Variants in ANKRD54 observed in about 807,000 individuals in gnomAD.
ANKRD54 encodes ankyrin repeat domain 54, also known as ankyrin repeat domain-containing protein 54.
Under a neutral mutation model 36.2 loss-of-function variants are expected in ANKRD54, and 26 were observed. The observed-to-expected ratio is 0.72, with a 90% CI of 0.53 to 1.00. The LOEUF is 1.00. ANKRD54 is among the 50% of genes least tolerant of loss of function. The pLI, the probability that ANKRD54 is intolerant of heterozygous loss-of-function variation, is 0.00. For missense variants in ANKRD54, 384 were observed against 424.3 expected (o/e 0.91, Z 0.83); for synonymous variants, 209 against 188.4 (o/e 1.11, Z -0.89).
intron 3 of ANKRD54, among the ~76,000 whole-genome samples, chr22:37,834,939 G>C (rs758441236): frequency 1.3e-5 from 2 of 151,920 alleles, no homozygotes; most frequent in African/African-American, 4.8e-5. Context: ...TACCCCTGTA[G>C]TCTCAGCTAC....
At chr22:37,832,769 T>C in intron 6 of ANKRD54, 25 bp from the exon 7 acceptor site, 1 of 1,612,868 alleles carries the variant, frequency 6.2e-7, no homozygotes. Context: ...TGAGCTGAGC[T>C]GCCTGGGTTC....
At chr22:37,845,589 C>G (rs925889347), upstream of ANKRD54, among the ~76,000 whole-genome samples, 3 of 152,092 alleles carry the variant, frequency 2.0e-5, no homozygotes, top group African/African-American at 7.2e-5. Context: ...AAAATGTAAT[C>G]TTTCCGCACG....
At chr22:37,845,711 A>G (rs1307703913), upstream of ANKRD54, among the ~76,000 whole-genome samples, 1 of 152,086 alleles carries the variant, frequency 6.6e-6, no homozygotes, top group Non-Finnish European at 1.5e-5. Flanking sequence ...TCTACTAAAA[A>G]TACAAAAATT....
At chr22:37,849,143 C>G, upstream of ANKRD54, 1 of 457,166 alleles carries the variant, frequency 2.2e-6, no homozygotes, top group Non-Finnish European at 3.9e-6. Context: ...TGCGCCACCA[C>G]TCCCGGCTAA....
intron 3 of ANKRD54, chr22:37,834,162 A>G (rs1007960580): frequency 5.3e-6 from 1 of 187,774 alleles, no homozygotes; most frequent in Non-Finnish European, 1.1e-5. Flanking sequence ...TCTTGGGATC[A>G]CCTCAGGGGT....
rs1210995345 is a variant in ANKRD54 at position 37,832,720 on chromosome 22, G to A, written c.745C>T (p.Leu249=). 1.2e-6 allele frequency: 2 copies of A among 1,614,060 alleles called. No homozygotes were observed. The highest frequency in any genetic ancestry group is 4.5e-5 in the East Asian group (2 of 44,904). Residue 249 remains leucine (L), a synonymous_variant, in exon 7 of 8, where the codon CTG becomes TTG. Coordinates refer to ENST00000215941, the MANE Select transcript of ANKRD54 (RefSeq NM_138797.4). ...TGCTCATGTTGCCCTAGGCGCTCCA[G>A]ATACTCCCTCAGCATATGGATGATC... The part of the protein sequence containing the change: ...KQIIHMLREY[L]ERLGQHEQRE...
At chr22:37,836,306 C>T (rs1477307694) in intron 3 of ANKRD54, among the ~76,000 whole-genome samples, 3 of 150,196 alleles carry the variant, frequency 2.0e-5, no homozygotes, top group Admixed American at 6.6e-5. Context: ...ATTAGCCGGG[C>T]GTAGTGGCGC....
chr22:37,842,739 C>T (rs1014971193), intron 1 of ANKRD54, among the ~76,000 whole-genome samples: 6 of 152,226 alleles, frequency 3.9e-5, no homozygotes, highest in Non-Finnish European at 5.9e-5. Flanking sequence ...ATTCTTATTT[C>T]ATCTTCGTGA....
upstream of ANKRD54, chr22:37,844,581 C>G: frequency 3.5e-6 from 1 of 288,086 alleles, no homozygotes; most frequent in South Asian, 1.2e-4. Flanking sequence ...GCCAGTAAAA[C>G]AGCATTTCAG....
rs375713401 is a variant in ANKRD54, at chr22:37,832,942, C to A, written c.720+16G>T. ...CTGCCTTGGTGCCGTGGTCTCCACACAGAAGGGGTACTCACCTGCTTCACC... is the reference window on the plus strand; with the variant it reads ...CTGCCTTGGTGCCGTGGTCTCCACAAAGAAGGGGTACTCACCTGCTTCACC... On this transcript the variant is annotated intron_variant, in intron 6 of 7. Transcript: ENST00000215941. 3.1e-6 allele frequency: 5 copies of A among 1,612,804 alleles called. No individual in the cohort carries two copies. The highest frequency in any genetic ancestry group is 4.2e-6 in the Non-Finnish European group (5 of 1,179,880).
At chr22:37,839,117 C>T (rs1048230553) in intron 2 of ANKRD54, among the ~76,000 whole-genome samples, 3 of 152,176 alleles carry the variant, frequency 2.0e-5, no homozygotes, top group East Asian at 1.9e-4. Flanking sequence ...TTAGGTGATC[C>T]GCCCACTTCA....
chr22:37,845,712 T>C (rs2145996849), upstream of ANKRD54, among the ~76,000 whole-genome samples: 1 of 151,932 alleles, frequency 6.6e-6, no homozygotes, highest in Non-Finnish European at 1.5e-5. Flanking sequence ...CTACTAAAAA[T>C]ACAAAAATTA....
chr22:37,841,550 AC>A (rs1924248084), intron 1 of ANKRD54, among the ~76,000 whole-genome samples: 36 of 147,474 alleles, frequency 2.4e-4, no homozygotes, highest in African/African-American at 7.3e-4. Flanking sequence ...ACACACACAC[AC>A]ACACACAAAA....
rs564567309 is a variant in ANKRD54, at chr22:37,844,293, G to T, written c.-55C>A. The T allele has an allele frequency of 3.3e-6, 5 of 1,526,918 alleles. No individual in the cohort carries two copies. Among genetic ancestry groups the T allele is most frequent in the East Asian group, 2.6e-5 (1 of 38,340 alleles). 94.6% of individuals were successfully genotyped at this position (1,526,918 alleles called of 1,614,324 possible). A position where few individuals can be genotyped will look rare whatever the true frequency, so the allele number is the denominator to read the frequency against. ...TGAGCCTCGTTCCCGACCGACCAACGGACCTACTTCCCTCCGCCCTGAGTC... is the reference window on the plus strand; with the variant it reads ...TGAGCCTCGTTCCCGACCGACCAACTGACCTACTTCCCTCCGCCCTGAGTC... On this transcript the variant is annotated 5_prime_UTR_variant, in exon 1 of 8. Coordinates refer to ENST00000215941, the MANE Select transcript of ANKRD54 (RefSeq NM_138797.4).
rs1177555039 is a variant in ANKRD54, at chr22:37,833,051, A to G, written c.627T>C (p.Gly209=). The G allele has an allele frequency of 6.2e-7, 1 of 1,613,288 alleles. No individual in the cohort carries two copies. Among genetic ancestry groups the G allele is most frequent in the Admixed American group, 1.7e-5 (1 of 59,946 alleles). ...ACTTGGCCAGGTGCAGGGGTGTGCG[A>G]CCAGCTCGGTCCAGGGCATCTACAC... ...GARVDALDRA[G]RTPLHLAKSK... The change falls in exon 6 of 8, where the codon GGT becomes GGC. Residue 209 remains glycine (G), a synonymous_variant. Transcript: ENST00000215941.
intron 2 of ANKRD54, 106 bp downstream of exon 2, chr22:37,840,081 A>G (rs905498848): frequency 4.1e-5 from 55 of 1,326,250 alleles, no homozygotes; most frequent in Non-Finnish European, 5.4e-6. Flanking sequence ...AGCCTGCTCC[A>G]AGGGCGTGAG....
rs533377900 is a variant in ANKRD54, at chr22:37,840,623, C to T, written c.329-389G>A. On this transcript the variant is annotated intron_variant, in intron 1 of 7. Transcript: ENST00000215941. ...GCCATTGGCTGGGCATGATGGCTCA[C>T]GTCTGTAATCCCAGCACTTTGGGAG... 2.0e-4 allele frequency among the ~76,000 whole-genome samples: 31 copies of T among 151,482 alleles called. No homozygotes were observed. In the South Asian group the frequency reaches 6.0e-3, roughly 30 times the overall value.
At chr22:37,833,521 A>G (rs565981931) in intron 4 of ANKRD54, among the ~76,000 whole-genome samples, 163 bp downstream of exon 4, 59 of 152,286 alleles carry the variant, frequency 3.9e-4, no homozygotes, top group Non-Finnish European at 6.8e-4. Context: ...TGGAAGGCCC[A>G]TGGGACACAG....
chr22:37,832,901 C>A (rs2145956229), intron 6 of ANKRD54, 57 bp downstream of exon 6: 1 of 1,608,046 alleles, frequency 6.2e-7, no homozygotes, highest in East Asian at 2.2e-5. Flanking sequence ...GTGGTTAGGG[C>A]AGCATCTGTC....
Sources: gnomAD v4.1 joint callset for allele counts (sites outside exome capture counted in the v4.1 genomes callset) on GRCh38, gnomAD v4.1.1 for gene constraint, MANE v1.5 for transcripts, NCBI Gene and HGNC (gene_info 2026-07-23, HGNC 2026-07-21) for gene names.